EEFSEC: variants seen among roughly 807,000 people sequenced by gnomAD.
The protein encoded by EEFSEC is selenocysteine-specific elongation factor.
Under a neutral mutation model 42.1 loss-of-function variants are expected in EEFSEC, and 43 were observed. The ratio of observed to expected loss-of-function variants is 1.02; its 90% CI spans 0.80 to 1.32. The LOEUF (loss-of-function observed/expected upper bound fraction) is 1.32, where lower values mean the gene tolerates loss of function less well. Ranked by LOEUF, EEFSEC falls within the 40% of genes most tolerant of loss-of-function variation. The pLI is 0.00. For missense variants in EEFSEC, 745 were observed against 803.6 expected (o/e 0.93, Z 0.88); for synonymous variants, 354 against 339.1 (o/e 1.04, Z -0.48).
Position 128,321,493 on chromosome 3 carries a change from C to A in EEFSEC, c.787-19740C>A, listed in dbSNP as rs568981856. On this transcript the variant is annotated intron_variant, in intron 4 of 6. Transcript: ENST00000254730. Reference sequence around the variant, plus strand: ...AGGCCTCTGTCCCAGGCTTCACTCCCCCAGGACAGTCTCTGGGCAGACCAC... The same window carrying A: ...AGGCCTCTGTCCCAGGCTTCACTCCACCAGGACAGTCTCTGGGCAGACCAC... Among the ~76,000 whole-genome samples, 6 of 152,234 alleles carry A rather than the reference C, an allele frequency of 3.9e-5. No individual in the cohort carries two copies. The South Asian group carries it at 1.0e-3, about 26-fold the overall frequency.
chr3:128,407,690 G>T (rs1478497052), intron 6 of EEFSEC, among the ~76,000 whole-genome samples: 1 of 152,204 alleles, frequency 6.6e-6, no homozygotes, highest in East Asian at 1.9e-4. Context: ...CACACAAGAG[G>T]GTGGAGAAGT....
intron 4 of EEFSEC, among the ~76,000 whole-genome samples, chr3:128,310,552 T>G (rs1417191515): frequency 6.6e-6 from 1 of 152,212 alleles, no homozygotes. Context: ...TGCTGTTTTC[T>G]TTGTAGGCAC....
At chr3:128,267,670 A>G (rs2066368940) in intron 4 of EEFSEC, among the ~76,000 whole-genome samples, 1 of 152,230 alleles carries the variant, frequency 6.6e-6, no homozygotes, top group South Asian at 2.1e-4. Flanking sequence ...GGATGTTAAG[A>G]TTAGGAAATT....
At chr3:128,189,903 C>T (rs1255098507) in intron 1 of EEFSEC, among the ~76,000 whole-genome samples, 1 of 150,726 alleles carries the variant, frequency 6.6e-6, no homozygotes, top group African/African-American at 2.4e-5. Flanking sequence ...CGCTCTGTTG[C>T]CCAGGCTGGA....
At chr3:128,296,920 C>T (rs1203315183) in intron 4 of EEFSEC, among the ~76,000 whole-genome samples, 1 of 152,146 alleles carries the variant, frequency 6.6e-6, no homozygotes, top group Non-Finnish European at 1.5e-5. Context: ...CAATGCTAGC[C>T]AATACCAAAG....
At chr3:128,415,729 G>A in the EEFSEC span, among the ~76,000 whole-genome samples, 1 of 152,224 alleles carries the variant, frequency 6.6e-6, no homozygotes, top group Non-Finnish European at 1.5e-5. Context: ...GGGAGGAAGA[G>A]AAGCAGGTTC....
rs540946419 is a variant in EEFSEC, at chr3:128,408,329, G to C, written c.*70G>C. The C allele has an allele frequency of 1.4e-6, 2 of 1,448,236 alleles. No individual in the cohort carries two copies. Among genetic ancestry groups the C allele is most frequent in the Admixed American group, 4.5e-5 (2 of 44,290 alleles). 89.7% of individuals were successfully genotyped at this position (1,448,236 alleles called of 1,614,324 possible). On this transcript the variant is annotated 3_prime_UTR_variant, in exon 7 of 7. Coordinates refer to ENST00000254730, the MANE Select transcript of EEFSEC (RefSeq NM_021937.5). Reference sequence around the variant, plus strand: ...AGGCTGCTGTGCCAAATCCCAACCAGCCACGCCTCAGCCTCTCCCAGTCTC... The same window carrying C: ...AGGCTGCTGTGCCAAATCCCAACCACCCACGCCTCAGCCTCTCCCAGTCTC...
intron 4 of EEFSEC, among the ~76,000 whole-genome samples, chr3:128,274,316 A>G (rs1431784771): frequency 6.6e-6 from 1 of 152,176 alleles, no homozygotes; most frequent in Admixed American, 6.5e-5. Context: ...TCCGAGTCGC[A>G]GCAAAGAGGA....
At chr3:128,302,669 G>C (rs936825275) in intron 4 of EEFSEC, among the ~76,000 whole-genome samples, 2 of 151,762 alleles carry the variant, frequency 1.3e-5, no homozygotes, top group Non-Finnish European at 2.9e-5. Flanking sequence ...CTAACAGCAC[G>C]AAAGTTACAA....
intron 1 of EEFSEC, among the ~76,000 whole-genome samples, chr3:128,177,114 A>G (rs753066398): frequency 6.6e-6 from 1 of 152,058 alleles, no homozygotes; most frequent in Non-Finnish European, 1.5e-5. Flanking sequence ...CTCCTGCCTC[A>G]GCCTCCTAGG....
At chr3:128,177,507 C>G (rs935818046) in intron 1 of EEFSEC, among the ~76,000 whole-genome samples, 1 of 147,922 alleles carries the variant, frequency 6.8e-6, no homozygotes, top group African/African-American at 2.5e-5. Flanking sequence ...ATCAATAAAG[C>G]ATTAGACCTT....
At chr3:128,234,135 C>A (rs969106755) in intron 1 of EEFSEC, among the ~76,000 whole-genome samples, 1 of 152,084 alleles carries the variant, frequency 6.6e-6, no homozygotes, top group African/African-American at 2.4e-5. Context: ...TCACTGCAAC[C>A]TCTGCCTCCC....
At chr3:128,389,362 G>A (rs1269825977) in intron 6 of EEFSEC, among the ~76,000 whole-genome samples, 2 of 152,234 alleles carry the variant, frequency 1.3e-5, no homozygotes, top group East Asian at 3.8e-4. Flanking sequence ...TCCCCACACA[G>A]AGTGGTCCTG....
At chr3:128,224,778 T>C (rs1431534592) in intron 1 of EEFSEC, among the ~76,000 whole-genome samples, 1 of 152,238 alleles carries the variant, frequency 6.6e-6, no homozygotes, top group Non-Finnish European at 1.5e-5. Context: ...CAGTACCCTA[T>C]CTATATTTAG....
chr3:128,416,897 A>T, the EEFSEC span, among the ~76,000 whole-genome samples: 1 of 152,114 alleles, frequency 6.6e-6, no homozygotes, highest in East Asian at 1.9e-4. Context: ...CCCCTGTGTC[A>T]TGGGAGGCCA....
chr3:128,321,591 G>A (rs950724645), intron 4 of EEFSEC, among the ~76,000 whole-genome samples: 6 of 152,070 alleles, frequency 3.9e-5, no homozygotes, highest in African/African-American at 7.2e-5. Context: ...CCCAGGCCAC[G>A]GCACTCCTAG....
At chr3:128,310,584 A>G (rs1559914203) in intron 4 of EEFSEC, among the ~76,000 whole-genome samples, 1 of 152,084 alleles carries the variant, frequency 6.6e-6, no homozygotes, top group African/African-American at 2.4e-5. Context: ...GTGTTTTCCA[A>G]CCTTTTCCTC....
At chr3:128,214,271 C>T (rs1044840499) in intron 1 of EEFSEC, among the ~76,000 whole-genome samples, 1 of 152,188 alleles carries the variant, frequency 6.6e-6, no homozygotes, top group Admixed American at 6.5e-5. Context: ...ATGTAGCATA[C>T]TGCTAACAGC....
intron 1 of EEFSEC, among the ~76,000 whole-genome samples, chr3:128,244,343 C>T (rs2066103893): frequency 6.6e-6 from 1 of 152,106 alleles, no homozygotes; most frequent in Admixed American, 6.6e-5. Flanking sequence ...TGTCATGGGG[C>T]CATGGAGAGA....
Sources: gnomAD v4.1 joint callset for allele counts (sites outside exome capture counted in the v4.1 genomes callset) on GRCh38, gnomAD v4.1.1 for gene constraint, MANE v1.5 for transcripts, NCBI Gene and HGNC (gene_info 2026-07-23, HGNC 2026-07-21) for gene names.